Variants in ASTN2 observed in about 807,000 individuals in gnomAD.
ASTN2 encodes the protein astrotactin-2.
ASTN2 carries 54 observed loss-of-function variants against 139.8 expected under a neutral mutation model. The ratio of observed to expected loss-of-function variants is 0.39; its 90% CI spans 0.31 to 0.48. The LOEUF (loss-of-function observed/expected upper bound fraction) is 0.48, where lower values mean the gene tolerates loss of function less well. Among genes scored for constraint, ASTN2 ranks in the 20% least tolerant of loss-of-function variants. The probability of loss-of-function intolerance (pLI) is 0.95; values close to 1 mark genes in which losing one functional copy is unlikely to be tolerated. For synonymous variants in ASTN2, 756 were observed against 719.5 expected (o/e 1.05, Z -0.81); for missense variants, 1,565 against 1,725.1 (o/e 0.91, Z 1.64).
At chr9:117,380,907 A>G (rs975215883) in intron 1 of ASTN2, among the ~76,000 whole-genome samples, 10 of 152,222 alleles carry the variant, frequency 6.6e-5, no homozygotes, top group Admixed American at 1.3e-4. Flanking sequence ...TCTTAGGTAT[A>G]TACCCAAGGA....
At chr9:116,711,793 A>G (rs1038305440) in intron 16 of ASTN2, among the ~76,000 whole-genome samples, 1 of 151,996 alleles carries the variant, frequency 6.6e-6, no homozygotes, top group Non-Finnish European at 1.5e-5. Flanking sequence ...TATTTTTCAC[A>G]TACATTAATT....
intron 1 of ASTN2, among the ~76,000 whole-genome samples, chr9:117,325,589 C>T (rs1489273866): frequency 6.6e-6 from 1 of 152,130 alleles, no homozygotes; most frequent in Non-Finnish European, 1.5e-5. Context: ...CATCAATTCC[C>T]CCATAATTAC....
At chr9:116,516,177 T>A (rs1850640931) in intron 19 of ASTN2, among the ~76,000 whole-genome samples, 1 of 152,148 alleles carries the variant, frequency 6.6e-6, no homozygotes, top group Non-Finnish European at 1.5e-5. Flanking sequence ...TGACTTGCAT[T>A]GACTTATCCT....
rs1847282111 is a variant in ASTN2 at position 116,425,666 on chromosome 9, A to G, written c.*185T>C. On this transcript the variant is annotated 3_prime_UTR_variant, in exon 23 of 23. Coordinates refer to ENST00000313400, the MANE Select transcript of ASTN2 (RefSeq NM_001365068.1). ...AAGATAGAGAAAAATGAATAATTCC[A>G]TTGGTTACAAAGGTCTCTGTCCACT... 1 of 1,609,660 alleles carries G rather than the reference A, an allele frequency of 6.2e-7. No homozygotes were observed. The highest frequency in any genetic ancestry group is 1.3e-5 in the African/African-American group (1 of 74,486).
intron 19 of ASTN2, among the ~76,000 whole-genome samples, chr9:116,609,944 A>T (rs1855446061): frequency 6.6e-6 from 1 of 152,108 alleles, no homozygotes; most frequent in Non-Finnish European, 1.5e-5. Flanking sequence ...GCAAACACTA[A>T]ATTTTTTTAA....
chr9:116,953,389 T>C (rs775120410), intron 10 of ASTN2, among the ~76,000 whole-genome samples: 5 of 152,190 alleles, frequency 3.3e-5, no homozygotes, highest in Non-Finnish European at 5.9e-5. Context: ...TAAGACATTC[T>C]AGCCAAGCCA....
At chr9:116,737,821 A>G (rs1025124128) in intron 13 of ASTN2, among the ~76,000 whole-genome samples, 21 of 152,212 alleles carry the variant, frequency 1.4e-4, no homozygotes, top group African/African-American at 4.3e-4. Flanking sequence ...GAACTAAGCT[A>G]TAAGGATACA....
intron 5 of ASTN2, among the ~76,000 whole-genome samples, chr9:117,094,184 GAGGAGAGGA>G (rs1828781877): frequency 2.7e-5 from 1 of 36,692 alleles, no homozygotes; most frequent in Non-Finnish European, 5.3e-5. Context: ...GGGAGGGAGG[GAGGAGAGGA>G]GAGGAGAGGA....
intron 13 of ASTN2, among the ~76,000 whole-genome samples, chr9:116,794,947 T>A (rs1830652725): frequency 6.6e-6 from 1 of 152,128 alleles, no homozygotes; most frequent in African/African-American, 2.4e-5. Context: ...CTTCTATGCT[T>A]ATCGTTAAAT....
At chr9:116,560,831 G>A (rs967435791) in intron 19 of ASTN2, among the ~76,000 whole-genome samples, 1 of 152,186 alleles carries the variant, frequency 6.6e-6, no homozygotes, top group Non-Finnish European at 1.5e-5. Flanking sequence ...CAATATTTGT[G>A]TCTGGAAGGG....
At chr9:117,381,005 A>G (rs1830256418) in intron 1 of ASTN2, among the ~76,000 whole-genome samples, 1 of 152,246 alleles carries the variant, frequency 6.6e-6, no homozygotes, top group Non-Finnish European at 1.5e-5. Context: ...AGCAATCCAA[A>G]TGTCCATCAA....
At chr9:116,657,118 C>G (rs1661304) in intron 16 of ASTN2, among the ~76,000 whole-genome samples, 17,597 of 152,044 alleles carry the variant, frequency 0.12, 1,080 homozygotes, top group East Asian at 0.15. Context: ...TGCTCTGAGG[C>G]CTGACTCAAG....
intron 6 of ASTN2, among the ~76,000 whole-genome samples, chr9:117,016,117 G>A (rs572106274): frequency 2.6e-5 from 4 of 152,060 alleles, no homozygotes; most frequent in African/African-American, 9.6e-5. Flanking sequence ...ACTTCTTTGG[G>A]GATGTTATGT....
chr9:117,317,660 T>C (rs1828184962), intron 1 of ASTN2, among the ~76,000 whole-genome samples: 2 of 152,164 alleles, frequency 1.3e-5, no homozygotes, highest in Admixed American at 6.5e-5. Context: ...TTAAAGATGC[T>C]TTAAGTGCCC....
intron 10 of ASTN2, among the ~76,000 whole-genome samples, chr9:116,908,859 C>G (rs1210966390): frequency 6.6e-6 from 1 of 152,122 alleles, no homozygotes; most frequent in Non-Finnish European, 1.5e-5. Flanking sequence ...TTCAGGAGAC[C>G]TGGGTGAAGT....
At chr9:116,954,540 T>C (rs897252082) in intron 10 of ASTN2, among the ~76,000 whole-genome samples, 3 of 152,254 alleles carry the variant, frequency 2.0e-5, no homozygotes, top group African/African-American at 7.2e-5. Flanking sequence ...TCAGGCTTAC[T>C]GGGCCATAAG....
chr9:116,751,965 A>G (rs1282914196), intron 13 of ASTN2, among the ~76,000 whole-genome samples: 2 of 152,172 alleles, frequency 1.3e-5, no homozygotes, highest in Non-Finnish European at 1.5e-5. Context: ...TCAAAATCCT[A>G]GTAAGTTATT....
intron 18 of ASTN2, among the ~76,000 whole-genome samples, chr9:116,619,631 C>T (rs1262217823): frequency 6.6e-6 from 1 of 151,772 alleles, no homozygotes; most frequent in Non-Finnish European, 1.5e-5. Context: ...TCAAGAGATC[C>T]TACCACCTCA....
intron 13 of ASTN2, among the ~76,000 whole-genome samples, chr9:116,740,518 T>C (rs918254222): frequency 1.3e-5 from 2 of 152,094 alleles, no homozygotes; most frequent in Non-Finnish European, 2.9e-5. Context: ...TTATTTTATT[T>C]ATTTATTTTT....
Sources: allele counts gnomAD v4.1 joint callset (sites outside exome capture counted in the v4.1 genomes callset), GRCh38; gene constraint gnomAD v4.1.1; transcripts MANE v1.5; gene names NCBI Gene and HGNC (gene_info 2026-07-23, HGNC 2026-07-21).